The following CDKL5 variants were observed in gnomAD, a reference collection of about 807,000 sequenced individuals.
The protein encoded by CDKL5 is cyclin dependent kinase like 5.
Under a neutral mutation model 61.7 loss-of-function variants are expected in CDKL5, and 8 were observed. That is an observed-to-expected ratio of 0.13 (90% CI 0.08 to 0.23). CDKL5 has a LOEUF of 0.23. CDKL5 is among the 10% of genes least tolerant of loss of function. The pLI, the probability that CDKL5 is intolerant of heterozygous loss-of-function variation, is 1.00. For missense variants in CDKL5, 440 were observed against 734.5 expected (o/e 0.60, Z 4.63); for synonymous variants, 275 against 272.3 (o/e 1.01, Z -0.10).
intron 1 of CDKL5, among the ~76,000 whole-genome samples, chrX:18,482,923 G>A (rs1921641383): frequency 9.0e-6 from 1 of 111,625 alleles, no homozygotes; most frequent in Non-Finnish European, 1.9e-5. Context: ...GAACTGGCAA[G>A]ACTAAAATTG....
At chrX:18,495,312 G>C in intron 1 of CDKL5, among the ~76,000 whole-genome samples, 1 of 112,236 alleles carries the variant, frequency 8.9e-6, no homozygotes, top group South Asian at 3.7e-4. Context: ...CAAGGCCCAG[G>C]CAGCTCTTAA....
chrX:18,524,556 T>C, intron 3 of CDKL5, among the ~76,000 whole-genome samples: 1 of 112,180 alleles, frequency 8.9e-6, no homozygotes, highest in Non-Finnish European at 1.9e-5. Context: ...CTGTGGCATG[T>C]CTTTTCATTC....
At position 18,506,950 on chromosome X, in the gene CDKL5, T is replaced by C; in HGVS notation, c.-147T>C. On this transcript the variant is annotated 5_prime_UTR_variant, in exon 2 of 18. Transcript: ENST00000623535. ...TTTTTTTCAGGGAGTCATTTAATAC[T>C]TCATGATTAGAACAAATATGTGAAA... 2.0e-6 allele frequency: 1 copy of C among 489,137 alleles called. No homozygotes were observed. Among genetic ancestry groups the C allele is most frequent in the South Asian group, 2.9e-5 (1 of 33,971 alleles). The allele number at this position is 489,137 out of a possible 1,213,427, so 40.3% of individuals were successfully genotyped here.
intron 1 of CDKL5, among the ~76,000 whole-genome samples, chrX:18,442,737 G>A (rs1363384184): frequency 1.8e-5 from 2 of 111,279 alleles, no homozygotes; most frequent in African/African-American, 3.3e-5. Flanking sequence ...CTCGTGATCC[G>A]CCCGCCTCGG....
chrX:18,642,538 A>T (rs1927621097), downstream of CDKL5, among the ~76,000 whole-genome samples: 1 of 111,603 alleles, frequency 9.0e-6, no homozygotes, highest in Non-Finnish European at 1.9e-5. Context: ...ATGCCACTTG[A>T]CTCATCGCTT....
chrX:18,473,522 T>G (rs1206384435), intron 1 of CDKL5, among the ~76,000 whole-genome samples: 2 of 109,670 alleles, frequency 1.8e-5, no homozygotes, highest in Non-Finnish European at 1.9e-5. Context: ...AGATGTTAGG[T>G]ACATCTTGGG....
At chrX:18,489,373 C>G (rs1172471918) in intron 1 of CDKL5, among the ~76,000 whole-genome samples, 1 of 110,421 alleles carries the variant, frequency 9.1e-6, no homozygotes, top group Admixed American at 9.7e-5. Context: ...GTTGGCCACG[C>G]TGGTCTTGTA....
intron 3 of CDKL5, among the ~76,000 whole-genome samples, chrX:18,518,408 T>A (rs1923121859): frequency 2.9e-5 from 2 of 68,422 alleles, no homozygotes; most frequent in East Asian, 4.6e-4. Context: ...TTTTTTTTTT[T>A]TTTTTTTTTT....
intron 14 of CDKL5, among the ~76,000 whole-genome samples, chrX:18,612,683 A>G (rs1020039680): frequency 9.1e-6 from 1 of 109,341 alleles, no homozygotes; most frequent in African/African-American, 3.3e-5. Flanking sequence ...GAGAGAAAAA[A>G]AATATAATGT....
chrX:18,624,704 A>G (rs1283755937), intron 16 of CDKL5, among the ~76,000 whole-genome samples: 1 of 112,016 alleles, frequency 8.9e-6, no homozygotes, highest in Non-Finnish European at 1.9e-5. Context: ...GCACTACCAT[A>G]TACAGTGTTT....
At chrX:18,601,815 C>G (rs1926188257) in intron 11 of CDKL5, among the ~76,000 whole-genome samples, 1 of 112,247 alleles carries the variant, frequency 8.9e-6, no homozygotes, top group Admixed American at 9.5e-5. Flanking sequence ...CTAAGAGTTC[C>G]AAAGGCTCAA....
chrX:18,596,710 T>G (rs1021258174), intron 10 of CDKL5, among the ~76,000 whole-genome samples: 4 of 112,181 alleles, frequency 3.6e-5, no homozygotes, highest in Non-Finnish European at 7.5e-5. Context: ...TAGAATAAAG[T>G]AGGAACATGG....
chrX:18,565,344 C>T (rs1193550309), intron 4 of CDKL5, among the ~76,000 whole-genome samples: 1 of 111,770 alleles, frequency 8.9e-6, no homozygotes, highest in Non-Finnish European at 1.9e-5. Context: ...GTAAATGAAG[C>T]AAAAATGTCA....
intron 16 of CDKL5, among the ~76,000 whole-genome samples, chrX:18,620,659 G>T (rs1481961397): frequency 2.7e-5 from 3 of 111,822 alleles, no homozygotes; most frequent in Non-Finnish European, 3.8e-5. Flanking sequence ...TAGGACAGCA[G>T]CAGGAGTAGT....
intron 1 of CDKL5, among the ~76,000 whole-genome samples, chrX:18,435,551 G>A (rs1266166527): frequency 1.8e-5 from 2 of 110,617 alleles, no homozygotes; most frequent in African/African-American, 6.6e-5. Context: ...ATGTAAGTAG[G>A]CCCTGCCCTC....
At chrX:18,503,006 G>A (rs2147088926) in intron 1 of CDKL5, among the ~76,000 whole-genome samples, 1 of 111,812 alleles carries the variant, frequency 8.9e-6, no homozygotes, top group South Asian at 3.7e-4. Flanking sequence ...TGACTATATA[G>A]ATCAATATGG....
rs201239931 is a variant in CDKL5, at chrX:18,636,336, TTTATTATTATTATTATTATTATTA to T, written c.*7603_*7626del. On this transcript the variant is annotated 3_prime_UTR_variant, in exon 18 of 18. Coordinates refer to ENST00000623535, the MANE Select transcript of CDKL5 (RefSeq NM_001323289.2). ...CAGGCACAATGCCCAAGTGTTTTGC[TTTATTATTATTATTATTATTATTA>T]TTATTATTATTATTATTATTATTTT... The T allele has an allele frequency of 4.1e-4, 39 of 94,005 alleles. No homozygotes were observed. Among genetic ancestry groups the T allele is most frequent in the African/African-American group, 1.4e-3 (37 of 26,170 alleles). 7.7% of individuals were successfully genotyped at this position (94,005 alleles called of 1,213,427 possible). A position where few individuals can be genotyped will look rare whatever the true frequency, so the allele number is the denominator to read the frequency against.
chrX:18,530,988 G>A (rs1277174724), intron 3 of CDKL5, among the ~76,000 whole-genome samples: 2 of 111,992 alleles, frequency 1.8e-5, no homozygotes, highest in Non-Finnish European at 3.8e-5. Context: ...CTCTGTTAAT[G>A]TACTGGAGCT....
chrX:18,516,284 G>GT (rs375914877), intron 3 of CDKL5, among the ~76,000 whole-genome samples: 6,663 of 90,607 alleles, frequency 0.074, 525 homozygotes, highest in African/African-American at 0.21. Context: ...CCTGGCCTAC[G>GT]TTTTTTTTTT....
Sources: allele counts gnomAD v4.1 joint callset (sites outside exome capture counted in the v4.1 genomes callset), GRCh38; gene constraint gnomAD v4.1.1; transcripts MANE v1.5; gene names NCBI Gene and HGNC (gene_info 2026-07-23, HGNC 2026-07-21).